Variants in XKR6 observed in about 807,000 individuals in gnomAD.
XKR6 encodes XK related 6.
A neutral mutation model predicts 56.7 loss-of-function variants in XKR6; 22 were observed. The observed-to-expected ratio is 0.39, with a 90% CI of 0.28 to 0.55. XKR6 has a LOEUF of 0.55. XKR6 is among the 20% of genes least tolerant of loss of function. The pLI is 0.66. For missense variants in XKR6, 852 were observed against 889.0 expected (o/e 0.96, Z 0.53); for synonymous variants, 524 against 387.8 (o/e 1.35, Z -4.13).
At position 11,200,552 on chromosome 8, in the gene XKR6, GC is replaced by G; in HGVS notation, c.764+23del. On this transcript the variant is annotated intron_variant, in intron 1 of 2. Transcript: ENST00000416569. The surrounding 1 kb of genome is among the most constrained non-coding windows in gnomAD (Gnocchi z 6.4). ...GAGGGGGGCTCCTCAGGGCCGGCCC[GC>G]CCCCACCCCGCAGTGCTCTTACCTC... is the stretch of plus-strand genomic sequence containing the variant. The G allele has an allele frequency of 7.0e-7, 1 of 1,433,784 alleles. No individual in the cohort carries two copies. The allele number at this position is 1,433,784 out of a possible 1,614,324, so 88.8% of individuals were successfully genotyped here. A position where few individuals can be genotyped will look rare whatever the true frequency, so the allele number is the denominator to read the frequency against.
chr8:11,002,120 T>C (rs1563338874), intron 1 of XKR6, among the ~76,000 whole-genome samples: 2 of 149,274 alleles, frequency 1.3e-5, no homozygotes, highest in Admixed American at 6.6e-5. Flanking sequence ...GCCAAGAAAG[T>C]GCAAATGCTT....
chr8:11,114,209 AT>A (rs1799048055), intron 1 of XKR6: 1 of 313,852 alleles, frequency 3.2e-6, no homozygotes, highest in African/African-American at 2.2e-5. Flanking sequence ...AAATGTACAC[AT>A]TTCTACACAG....
At chr8:11,179,315 A>G (rs1022968596) in intron 1 of XKR6, among the ~76,000 whole-genome samples, 1 of 152,160 alleles carries the variant, frequency 6.6e-6, no homozygotes, top group Non-Finnish European at 1.5e-5. Context: ...ACAATTTTCT[A>G]GTGGGTAATA....
chr8:11,040,664 G>A (rs1165422279), intron 1 of XKR6, among the ~76,000 whole-genome samples: 4 of 152,150 alleles, frequency 2.6e-5, no homozygotes, highest in African/African-American at 7.2e-5. Flanking sequence ...GTTCGTAGAC[G>A]ATGCCTTCTC....
chr8:11,074,640 G>A (rs946453618), intron 1 of XKR6, among the ~76,000 whole-genome samples: 1 of 152,148 alleles, frequency 6.6e-6, no homozygotes, highest in Non-Finnish European at 1.5e-5. Flanking sequence ...AGCAAACCCA[G>A]GCACTGGAGA....
intron 1 of XKR6, among the ~76,000 whole-genome samples, chr8:11,151,760 C>T (rs1451733861): frequency 1.3e-5 from 2 of 151,904 alleles, no homozygotes; most frequent in African/African-American, 2.4e-5. Context: ...TTCTGCCTTA[C>T]ATCCCCCCGC....
intron 2 of XKR6, among the ~76,000 whole-genome samples, chr8:10,920,872 A>C (rs2129115832): frequency 6.6e-6 from 1 of 152,376 alleles, no homozygotes; most frequent in South Asian, 2.1e-4. Flanking sequence ...ATATTTAACC[A>C]CAAAAGGCTG....
intron 1 of XKR6, among the ~76,000 whole-genome samples, chr8:11,149,959 T>C (rs1183913864): frequency 6.6e-6 from 1 of 152,070 alleles, no homozygotes; most frequent in African/African-American, 2.4e-5. Flanking sequence ...GGTTATTAAG[T>C]GAAATAAGCC....
chr8:11,120,330 C>A (rs1402877388), intron 1 of XKR6, among the ~76,000 whole-genome samples: 1 of 152,216 alleles, frequency 6.6e-6, no homozygotes, highest in Non-Finnish European at 1.5e-5. Flanking sequence ...TAAGCAAACT[C>A]AGCGAAGTCT....
At position 11,200,446 on chromosome 8, in the gene XKR6, G is replaced by T; in HGVS notation, c.764+130C>A. 8.3e-7 allele frequency: 1 copy of T among 1,202,424 alleles called. No homozygotes were observed. The highest frequency in any genetic ancestry group is 2.3e-5 in the South Asian group (1 of 42,972). The allele number at this position is 1,202,424 out of a possible 1,614,324, so 74.5% of individuals were successfully genotyped here. A position where few individuals can be genotyped will look rare whatever the true frequency, so the allele number is the denominator to read the frequency against. Reference sequence around the variant, plus strand: ...CGCCGGTCTTTTGGAGACGCCAGGGGCGGCGCGCGGCCGGTCCCTCCTTCG... The same window carrying T: ...CGCCGGTCTTTTGGAGACGCCAGGGTCGGCGCGCGGCCGGTCCCTCCTTCG... On this transcript the variant is annotated intron_variant, in intron 1 of 2. Coordinates refer to ENST00000416569, the MANE Select transcript of XKR6 (RefSeq NM_173683.4). This position sits in a 1 kb window ranked among gnomAD's most constrained non-coding sequence, Gnocchi z 6.4.
chr8:11,141,179 G>C (rs914849642), intron 1 of XKR6, among the ~76,000 whole-genome samples: 3 of 152,326 alleles, frequency 2.0e-5, no homozygotes, highest in South Asian at 2.1e-4. Flanking sequence ...GAAGCTGGTA[G>C]TACTAGTACT....
intron 1 of XKR6, among the ~76,000 whole-genome samples, chr8:11,021,039 TA>T (rs1271301805): frequency 6.6e-6 from 1 of 152,074 alleles, no homozygotes; most frequent in Non-Finnish European, 1.5e-5. Context: ...AAAGGGACCC[TA>T]GGGGGTCCTA....
intron 1 of XKR6, among the ~76,000 whole-genome samples, chr8:10,986,360 A>C (rs916704614): frequency 1.3e-5 from 2 of 152,146 alleles, no homozygotes; most frequent in African/African-American, 2.4e-5. Flanking sequence ...TAATCTCATC[A>C]TGTAGACAGC....
chr8:11,150,804 G>C (rs1006679682), intron 1 of XKR6, among the ~76,000 whole-genome samples: 3 of 134,566 alleles, frequency 2.2e-5, no homozygotes, highest in Non-Finnish European at 1.5e-5. Flanking sequence ...AGTGAACCAA[G>C]ATCAGGCCAC....
chr8:11,163,966 C>T (rs886179406), intron 1 of XKR6, among the ~76,000 whole-genome samples: 1 of 152,152 alleles, frequency 6.6e-6, no homozygotes, highest in Non-Finnish European at 1.5e-5. Flanking sequence ...TCCCTCAAAC[C>T]CAGCTATGTA....
chr8:10,933,715 C>T (rs1208931173), intron 1 of XKR6, among the ~76,000 whole-genome samples: 22 of 148,932 alleles, frequency 1.5e-4, no homozygotes, highest in Admixed American at 3.3e-4. Flanking sequence ...TGTAGGTAAG[C>T]GGCGTTATTT....
intron 1 of XKR6, among the ~76,000 whole-genome samples, chr8:11,188,441 T>A (rs1803385843): frequency 6.6e-6 from 1 of 152,222 alleles, no homozygotes; most frequent in African/African-American, 2.4e-5. Flanking sequence ...AACTTTTGTT[T>A]CATCTGCAAA....
At chr8:11,094,083 C>CTTTTT (rs35652292) in intron 1 of XKR6, among the ~76,000 whole-genome samples, 6 of 137,848 alleles carry the variant, frequency 4.4e-5, no homozygotes, top group African/African-American at 1.6e-4. Flanking sequence ...CGCGCCCGGC[C>CTTTTT]TTTTTTTTTT....
At chr8:11,002,379 A>C (rs192344430) in intron 1 of XKR6, 26 of 337,954 alleles carry the variant, frequency 7.7e-5, no homozygotes, top group African/African-American at 5.5e-4. Context: ...AGGCTCAGCC[A>C]GCACTCACCC....
Sources: allele counts gnomAD v4.1 joint callset (sites outside exome capture counted in the v4.1 genomes callset), GRCh38; gene constraint gnomAD v4.1.1; non-coding constraint Gnocchi (gnomAD v3.1); transcripts MANE v1.5; gene names NCBI Gene and HGNC (gene_info 2026-07-23, HGNC 2026-07-21).